EFTUD2: variants seen among roughly 807,000 people sequenced by gnomAD.
EFTUD2 encodes the protein 116 kDa U5 small nuclear ribonucleoprotein component.
Under a neutral mutation model 114.3 loss-of-function variants are expected in EFTUD2, and 9 were observed. That is an observed-to-expected ratio of 0.08 (90% CI 0.05 to 0.14). The LOEUF (loss-of-function observed/expected upper bound fraction) is 0.14. EFTUD2 is among the 10% of genes least tolerant of loss of function. The pLI is 1.00. For missense variants in EFTUD2, 765 were observed against 1,241.2 expected, an observed-to-expected ratio of 0.62 and a Z score of 5.76; for synonymous variants, 449 against 462.3, an observed-to-expected ratio of 0.97 and a Z score of 0.37.
Position 44,860,029 on chromosome 17 carries a change from G to T in EFTUD2, c.1736C>A (p.Pro579His). 6.2e-7 allele frequency: 1 copy of T among 1,614,152 alleles called. No homozygotes were observed. The highest frequency in any genetic ancestry group is 8.5e-7 in the Non-Finnish European group (1 of 1,180,034). Reference sequence around the variant, plus strand: ...AACAGATGTGGTATTGAACTTCAAGGGTCGGAAAATCTGAGCCTGAGATCC... The same window carrying T: ...AACAGATGTGGTATTGAACTTCAAGTGTCGGAAAATCTGAGCCTGAGATCC... ...RGNEEAQIFRPLKFNTTSVIK... is the reference protein window; with the variant it reads ...RGNEEAQIFRHLKFNTTSVIK... Residue 579 changes from proline (P) to histidine (H), a missense_variant, in exon 18 of 28, where the codon CCC becomes CAC. Coordinates refer to ENST00000426333, the MANE Select transcript of EFTUD2 (RefSeq NM_004247.4).
In EFTUD2 at chr17:44,860,418, T is replaced by C; in HGVS notation, c.1719+14A>G. On this transcript the variant is annotated intron_variant, in intron 17 of 27. Coordinates refer to ENST00000426333, the MANE Select transcript of EFTUD2 (RefSeq NM_004247.4). ...AGCTTAAGCCAACCCAGTTGGTCTC[T>C]TCAGAAACTCTACCTCCTCATTGCC... is the stretch of plus-strand genomic sequence containing the variant. 1 of 1,604,458 alleles carries C rather than the reference T, an allele frequency of 6.2e-7. No homozygotes were observed. Among genetic ancestry groups the C allele is most frequent in the Non-Finnish European group, 8.5e-7 (1 of 1,171,264 alleles).
chr17:44,881,201 G>A (rs1389751198), intron 7 of EFTUD2, among the ~76,000 whole-genome samples: 4 of 152,088 alleles, frequency 2.6e-5, no homozygotes, highest in Non-Finnish European at 4.4e-5. Context: ...AATAAGAGGA[G>A]GGAAACAGAA....
At chr17:44,869,769 C>G (rs537329483) in intron 11 of EFTUD2, among the ~76,000 whole-genome samples, 55 of 152,296 alleles carry the variant, frequency 3.6e-4, no homozygotes, top group African/African-American at 1.3e-3. Context: ...TACCTGACTC[C>G]AAGCCATTGA....
chr17:44,885,797 T>C (rs1396183030), intron 3 of EFTUD2, among the ~76,000 whole-genome samples: 1 of 152,112 alleles, frequency 6.6e-6, no homozygotes, highest in Non-Finnish European at 1.5e-5. Context: ...CAGCTAATTT[T>C]TGTACTTTTT....
chr17:44,877,797 C>G (rs1382193874), intron 9 of EFTUD2, among the ~76,000 whole-genome samples: 1 of 148,554 alleles, frequency 6.7e-6, no homozygotes, highest in African/African-American at 2.5e-5. Flanking sequence ...AAGAGCAAGA[C>G]TCCATCTCAA....
chr17:44,851,615 C>T (rs1034946991), intron 27 of EFTUD2, 95 bp downstream of exon 27: 1 of 1,262,336 alleles, frequency 7.9e-7, no homozygotes, highest in Non-Finnish European at 1.1e-6. Context: ...GGAAAAGTGT[C>T]CCTTAGGAAA....
In EFTUD2 at chr17:44,862,799, C is replaced by T. The variant is rs779010188; in HGVS notation, c.1521G>A (p.Val507=). 33 of 1,613,928 alleles carry T rather than the reference C, an allele frequency of 2.0e-5. No individual in the cohort carries two copies. The highest frequency in any genetic ancestry group is 8.3e-5 in the Admixed American group (5 of 59,978). ...GGGTGTAGTTCTCCCCCAGTACCTTCACAGGCTGCCCAGCATGAATGGTGC... is the reference window on the plus strand; with the variant it reads ...GGGTGTAGTTCTCCCCCAGTACCTTTACAGGCTGCCCAGCATGAATGGTGC... ...LSGTIHAGQP[V]KVLGENYTLE... Residue 507 remains valine, a synonymous_variant, in exon 16 of 28, where the codon GTG becomes GTA. Coordinates refer to ENST00000426333, the MANE Select transcript of EFTUD2 (RefSeq NM_004247.4).
chr17:44,850,388 G>A lies in EFTUD2; in HGVS notation c.*886C>T. The A allele has an allele frequency of 6.2e-7, 1 of 1,612,390 alleles. No homozygotes were observed. The highest frequency in any genetic ancestry group is 1.3e-5 in the African/African-American group (1 of 75,052). On this transcript the variant is annotated 3_prime_UTR_variant, in exon 28 of 28. Coordinates refer to ENST00000426333, the MANE Select transcript of EFTUD2 (RefSeq NM_004247.4). ...CAAGAGGATGGCACAGGATGCTGGA[G>A]AGAAGTAGGACTCCTATAGGAGCCG...
rs1250948608 is a variant in EFTUD2 at position 44,850,845 on chromosome 17, A to G, written c.*429T>C. 1 of 237,674 alleles carries G rather than the reference A, an allele frequency of 4.2e-6. No homozygotes were observed. The highest frequency in any genetic ancestry group is 2.2e-5 in the African/African-American group (1 of 45,144). 14.7% of individuals were successfully genotyped at this position (237,674 alleles called of 1,614,324 possible). A position where few individuals can be genotyped will look rare whatever the true frequency, so the allele number is the denominator to read the frequency against. ...GCAGTGAAGCCTCTTGGGAGATGAC[A>G]TATATTCAGAATGTAAGCACCAGAC... On this transcript the variant is annotated 3_prime_UTR_variant, in exon 28 of 28. Coordinates refer to ENST00000426333, the MANE Select transcript of EFTUD2 (RefSeq NM_004247.4).
intron 10 of EFTUD2, among the ~76,000 whole-genome samples, chr17:44,874,120 T>C (rs1441409083): frequency 6.9e-6 from 1 of 145,238 alleles, no homozygotes; most frequent in Admixed American, 6.9e-5. Flanking sequence ...TAGCTCACTA[T>C]AACCCTGAAC....
At chr17:44,876,212 A>C (rs2050946224) in intron 9 of EFTUD2, 112 bp from the exon 10 acceptor site, 1 of 1,274,614 alleles carries the variant, frequency 7.8e-7, no homozygotes, top group Non-Finnish European at 1.1e-6. Flanking sequence ...AGAAAAAAAG[A>C]CCTCGGGAAA....
rs1161764201 is a variant in EFTUD2 at position 44,880,657 on chromosome 17, AAG to A, written c.529-15_529-14del. The A allele has an allele frequency of 6.2e-6, 10 of 1,608,874 alleles. No individual in the cohort carries two copies. Among genetic ancestry groups the A allele is most frequent in the Non-Finnish European group, 8.5e-6 (10 of 1,175,846 alleles). ...TGCCTACACCTCTCTGAAAGGAACA[AAG>A]AGTGGTCAAGACCTCTTCCTATGCA... On this transcript the variant is annotated splice_polypyrimidine_tract_variant and intron_variant, in intron 7 of 27. Coordinates refer to ENST00000426333, the MANE Select transcript of EFTUD2 (RefSeq NM_004247.4).
chr17:44,885,866 C>T (rs1291595593), intron 3 of EFTUD2, among the ~76,000 whole-genome samples: 1 of 151,960 alleles, frequency 6.6e-6, no homozygotes, highest in Non-Finnish European at 1.5e-5. Flanking sequence ...TGGGTTCAAG[C>T]GATCCTCCTG....
Position 44,854,270 on chromosome 17 carries a change from T to C in EFTUD2, c.2346A>G (p.Glu782=). 6.2e-7 allele frequency: 1 copy of C among 1,612,570 alleles called. No individual in the cohort carries two copies. The highest frequency in any genetic ancestry group is 8.5e-7 in the Non-Finnish European group (1 of 1,179,296). The change falls in exon 23 of 28, where the codon GAA becomes GAG. Residue 782 remains glutamate (E), a splice_region_variant and synonymous_variant. Transcript: ENST00000426333. This position sits in a 1 kb window ranked among gnomAD's most constrained non-coding sequence, Gnocchi z 4.3. ...WGTREGPLCD[E]LIRNVKFKIL... ...GTGGGGGAGTGCTGGTGGACTTACA[T>C]TCATCACAGAGGGGGCCCTCCCTGG...
chr17:44,862,860 C>T lies in EFTUD2; in HGVS notation c.1460G>A (p.Gly487Glu). ...HTTKMYSTDD[G>E]VQFHAFGRVL... ...CCGGCCAAAGGCGTGAAACTGGACT[C>T]CATCATCTGTGCTGTACATCTTAGT... The change falls in exon 16 of 28, where the codon GGA becomes GAA. Residue 487 changes from glycine to glutamate, a missense_variant. Physicochemically the swap from Gly to Glu is moderately conservative, Grantham distance 98. Coordinates refer to ENST00000426333, the MANE Select transcript of EFTUD2 (RefSeq NM_004247.4). 1 of 1,614,190 alleles carries T rather than the reference C, an allele frequency of 6.2e-7. No individual in the cohort carries two copies. The highest frequency in any genetic ancestry group is 8.5e-7 in the Non-Finnish European group (1 of 1,180,034).
At chr17:44,889,169 C>G (rs917160968) in intron 2 of EFTUD2, among the ~76,000 whole-genome samples, 1 of 152,114 alleles carries the variant, frequency 6.6e-6, no homozygotes, top group African/African-American at 2.4e-5. Flanking sequence ...CAGACGGATG[C>G]AGGCAGGTCA....
rs2051179757 is a variant in EFTUD2 at position 44,886,701 on chromosome 17, T to C, written c.155A>G (p.His52Arg). The change falls in exon 3 of 28, where the codon CAC becomes CGC. Residue 52 changes from histidine to arginine, a missense_variant. Physicochemically the swap from His to Arg is conservative, Grantham distance 29. Around this residue, in one of 6 missense-constraint regions of EFTUD2, gnomAD observed 121 missense variants for 133.7 expected, o/e 0.90. Coordinates refer to ENST00000426333, the MANE Select transcript of EFTUD2 (RefSeq NM_004247.4). Reference sequence around the variant, plus strand: ...ATGCAGCACCACCTCCATCCCAGGGTGGTCATCGTCATGATCTCCTACGTC... The same window carrying C: ...ATGCAGCACCACCTCCATCCCAGGGCGGTCATCGTCATGATCTCCTACGTC... ...DDDVGDHDDD[H>R]PGMEVVLHED... The C allele has an allele frequency of 5.0e-6, 8 of 1,614,018 alleles. No homozygotes were observed. Among genetic ancestry groups the C allele is most frequent in the Non-Finnish European group, 6.8e-6 (8 of 1,180,024 alleles).
chr17:44,876,866 A>AAAAAC (rs2050964302), intron 9 of EFTUD2, among the ~76,000 whole-genome samples: 1 of 149,884 alleles, frequency 6.7e-6, no homozygotes, highest in African/African-American at 2.5e-5. Flanking sequence ...AAAAAAAAAA[A>AAAAAC]AAAAAAAAAA....
At chr17:44,867,573 T>G (rs2050771475) in intron 13 of EFTUD2, among the ~76,000 whole-genome samples, 1 of 152,062 alleles carries the variant, frequency 6.6e-6, no homozygotes, top group South Asian at 2.1e-4. Context: ...GTGCTAGGAT[T>G]ACAGGCATGA....
Sources: allele counts gnomAD v4.1 joint callset (sites outside exome capture counted in the v4.1 genomes callset), GRCh38; gene constraint gnomAD v4.1.1; regional missense constraint gnomAD v4.1.1; non-coding constraint Gnocchi (gnomAD v3.1); transcripts MANE v1.5; gene names NCBI Gene and HGNC (gene_info 2026-07-23, HGNC 2026-07-21).